DHX38: variants seen among roughly 807,000 people sequenced by gnomAD.
DHX38 encodes DEAH-box helicase 38.
DHX38 carries 100 observed loss-of-function variants against 153.1 expected under a neutral mutation model. The observed-to-expected ratio is 0.65, with a 90% confidence interval of 0.56 to 0.77. The LOEUF is 0.77. Among genes scored for constraint, DHX38 ranks in the 30% least tolerant of loss-of-function variants. DHX38 has a pLI of 0.00. For missense variants in DHX38, 1,440 were observed against 1,654.0 expected (o/e 0.87, Z 2.24); for synonymous variants, 650 against 631.7 (o/e 1.03, Z -0.43).
At chr16:72,111,223 G>T (rs2042251942) in intron 26 of DHX38, 146 bp downstream of exon 26, 2 of 1,273,570 alleles carry the variant, frequency 1.6e-6, no homozygotes, top group African/African-American at 3.0e-5. Flanking sequence ...GCATTTGGTG[G>T]TCACATGGAT....
At chr16:72,099,913 C>T in intron 8 of DHX38, 26 bp downstream of exon 8, 1 of 1,581,408 alleles carries the variant, frequency 6.3e-7, no homozygotes, top group Admixed American at 1.8e-5. Context: ...GAAGTTGGAG[C>T]AGATTCAGAG....
At position 72,100,583 on chromosome 16, in the gene DHX38, G is replaced by A. The variant is rs1355536510; in HGVS notation, c.1264G>A (p.Val422Ile). ...LVPPFLDGRI[V>I]FTKQPEPVIP... ...GCCTCCCTTTCTGGATGGGCGCATTGTCTTCACCAAGCAGGTGAGGCTCCT... is the reference window on the plus strand; with the variant it reads ...GCCTCCCTTTCTGGATGGGCGCATTATCTTCACCAAGCAGGTGAGGCTCCT... The change falls in exon 9 of 27, where the codon GTC becomes ATC. Residue 422 changes from valine (V) to isoleucine (I), a missense_variant. Val to Ile is a conservative substitution (Grantham distance 29). Coordinates refer to ENST00000268482, the MANE Select transcript of DHX38 (RefSeq NM_014003.4). 1.2e-6 allele frequency: 2 copies of A among 1,613,810 alleles called. No homozygotes were observed. The highest frequency in any genetic ancestry group is 1.7e-6 in the Non-Finnish European group (2 of 1,179,974).
rs116798991 is a variant in DHX38 at position 72,101,621 on chromosome 16, C to T, written c.1499+9C>T. ...GGGAAGGTGGACTACAGGTGGGCAG[C>T]CTCAGCCAGCAGCACATCAGCCTTG... On this transcript the variant is annotated intron_variant, in intron 11 of 26. Coordinates refer to ENST00000268482, the MANE Select transcript of DHX38 (RefSeq NM_014003.4). The T allele has an allele frequency of 1.2e-3, 1,918 of 1,549,486 alleles. 25 individuals carry two copies. The African/African-American group carries it at 0.022, about 18-fold the overall frequency.
At chr16:72,101,350 A>T in intron 10 of DHX38, 150 bp from the exon 11 acceptor site, 1 of 1,123,436 alleles carries the variant, frequency 8.9e-7, no homozygotes, top group Non-Finnish European at 1.3e-6. Context: ...GGAGAGCTGG[A>T]GGCTTGAGGA....
In DHX38 at chr16:72,103,124, G is replaced by A. The variant is rs1245650152; in HGVS notation, c.1550G>A (p.Ser517Asn). The change falls in exon 12 of 27, where the codon AGT (serine) becomes AAT (asparagine). Residue 517 changes from serine (S) to asparagine (N), a missense_variant. This residue lies in a region of DHX38 where 241 missense variants were observed against 229.5 expected (regional missense o/e 1.05). Transcript: ENST00000268482. ...ATGAAGAGAAAGAGCGAAGCCAGCA[G>A]TGAATTTGCAAAGAAGAAGTCCATC... Reference protein sequence around the residue: ...DHMKRKSEASSEFAKKKSILE... With the variant: ...DHMKRKSEASNEFAKKKSILE... 1.9e-6 allele frequency: 3 copies of A among 1,614,138 alleles called. No individual in the cohort carries two copies. Among genetic ancestry groups the A allele is most frequent in the Non-Finnish European group, 2.5e-6 (3 of 1,180,060 alleles).
chr16:72,106,269 A>G (rs1018898226), intron 19 of DHX38, 152 bp downstream of exon 19: 13 of 701,350 alleles, frequency 1.9e-5, no homozygotes, highest in South Asian at 5.6e-5. Flanking sequence ...CTTTCATCCT[A>G]TGCTACTGAG....
At chr16:72,098,858 C>T (rs2042057802) in intron 5 of DHX38, 66 bp downstream of exon 5, 3 of 1,613,482 alleles carry the variant, frequency 1.9e-6, no homozygotes, top group Non-Finnish European at 2.5e-6. Context: ...GCAGGGAGAG[C>T]AGATGGTGGC....
rs778699985 is a variant in DHX38 at position 72,096,864 on chromosome 16, T to G, written c.366T>G (p.Gly122=). 6.2e-7 allele frequency: 1 copy of G among 1,613,622 alleles called. No homozygotes were observed. The highest frequency in any genetic ancestry group is 2.2e-5 in the East Asian group (1 of 44,876). ...GGGTAGAGACTCCATCCCATCCGGG[T>G]GGTGTGAGCGAAGAGTTTTGGGAAC... The part of the protein sequence containing the change: ...SARVETPSHP[G]GVSEEFWERS... The change falls in exon 3 of 27, where the codon GGT becomes GGG. Residue 122 remains glycine (G), a synonymous_variant. Coordinates refer to ENST00000268482, the MANE Select transcript of DHX38 (RefSeq NM_014003.4).
chr16:72,108,743 G>A (rs1041208421), intron 23 of DHX38, 57 bp from the exon 24 acceptor site: 5 of 1,598,672 alleles, frequency 3.1e-6, no homozygotes, highest in East Asian at 2.2e-5. Flanking sequence ...GGATGGGGTC[G>A]CTGCCCAAAT....
chr16:72,104,945 G>T lies in DHX38; in HGVS notation c.2152-82G>T. On this transcript the variant is annotated intron_variant, in intron 15 of 26. Coordinates refer to ENST00000268482, the MANE Select transcript of DHX38 (RefSeq NM_014003.4). The surrounding 1 kb of genome is among the most constrained non-coding windows in gnomAD (Gnocchi z 4.5). ...GTCCATGGCTCCATTCCAGAGCAGT[G>T]CCTGGGCCACTGGGCTCCCAGGAGA... The T allele has an allele frequency of 2.9e-6, 4 of 1,365,718 alleles. No homozygotes were observed. The highest frequency in any genetic ancestry group is 4.0e-6 in the Non-Finnish European group (4 of 989,810). The allele number at this position is 1,365,718 out of a possible 1,614,324, so 84.6% of individuals were successfully genotyped here. A position where few individuals can be genotyped will look rare whatever the true frequency, so the allele number is the denominator to read the frequency against.
At chr16:72,099,351 G>C in intron 7 of DHX38, 71 bp downstream of exon 7, 1 of 1,393,608 alleles carries the variant, frequency 7.2e-7, no homozygotes, top group Non-Finnish European at 9.8e-7. Context: ...CCTCTAGCAG[G>C]ACTGGGCTTT....
At chr16:72,097,122 A>C (rs1163046290) in intron 3 of DHX38, 113 bp downstream of exon 3, 2 of 1,221,968 alleles carry the variant, frequency 1.6e-6, no homozygotes, top group Non-Finnish European at 1.1e-6. Context: ...TCCTATTTGC[A>C]TGATGTCCGC....
At position 72,103,765 on chromosome 16, in the gene DHX38, A is replaced by T; in HGVS notation, c.1801A>T (p.Met601Leu). Residue 601 changes from methionine (M) to leucine (L), a missense_variant, in exon 13 of 27, where the codon ATG becomes TTG. Around this residue, in one of 6 missense-constraint regions of DHX38, gnomAD observed 241 missense variants for 229.5 expected, o/e 1.05. Coordinates refer to ENST00000268482, the MANE Select transcript of DHX38 (RefSeq NM_014003.4). ...AGTGGCCAAGAGAGTCAGTGAAGAG[A>T]TGGGGGGAAACCTTGGCGAGGAGGT... ...MSVAKRVSEE[M>L]GGNLGEEVGY... 1.9e-6 allele frequency: 3 copies of T among 1,612,642 alleles called. No individual in the cohort carries two copies. The highest frequency in any genetic ancestry group is 2.5e-6 in the Non-Finnish European group (3 of 1,178,740).
chr16:72,112,591 A>T lies in DHX38; in HGVS notation c.*94A>T, dbSNP rs1749934008. 1.5e-6 allele frequency: 2 copies of T among 1,367,794 alleles called. No individual in the cohort carries two copies. Among genetic ancestry groups the T allele is most frequent in the Admixed American group, 3.5e-5 (2 of 56,564 alleles). 84.7% of individuals were successfully genotyped at this position (1,367,794 alleles called of 1,614,324 possible). A position where few individuals can be genotyped will look rare whatever the true frequency, so the allele number is the denominator to read the frequency against. ...GCTGCGGACAAAGCCCTTTCATCTG[A>T]GGACTTTCATCTGTGCATATCACGG... On this transcript the variant is annotated 3_prime_UTR_variant, in exon 27 of 27. Coordinates refer to ENST00000268482, the MANE Select transcript of DHX38 (RefSeq NM_014003.4).
At chr16:72,097,439 A>G (rs2144133062) in intron 3 of DHX38, 2 of 506,776 alleles carry the variant, frequency 3.9e-6, no homozygotes, top group Non-Finnish European at 7.1e-6. Context: ...TCGCACTAGT[A>G]TTTTTTGAAT....
chr16:72,102,458 A>G (rs30438), intron 11 of DHX38, among the ~76,000 whole-genome samples: 151,712 of 152,270 alleles, frequency 1, 75,578 homozygotes, highest in Middle Eastern at 1. Flanking sequence ...TCTTTTTGCC[A>G]GGCAGCCTTG....
intron 25 of DHX38, chr16:72,109,843 C>T (rs2042234751): frequency 5.5e-6 from 1 of 181,136 alleles, no homozygotes; most frequent in Non-Finnish European, 1.1e-5. Flanking sequence ...CTACCCCACT[C>T]CACACACATC....
rs746540177 is a variant in DHX38 at position 72,108,394 on chromosome 16, G to T, written c.3120+12G>T. 1 of 1,614,036 alleles carries T rather than the reference G, an allele frequency of 6.2e-7. No individual in the cohort carries two copies. Among genetic ancestry groups the T allele is most frequent in the Admixed American group, 1.7e-5 (1 of 60,028 alleles). On this transcript the variant is annotated intron_variant, in intron 22 of 26. Transcript: ENST00000268482. ...AGGCCATGCGGAAGGTAGAGTGGTG[G>T]ATGAGCAGGATGTTGGGATGAGGGG...
At position 72,096,253 on chromosome 16, in the gene DHX38, G is replaced by T. The variant is rs751669800; in HGVS notation, c.96G>T (p.Ala32=). The change falls in exon 2 of 27, where the codon GCG becomes GCT. Residue 32 remains alanine (A), a synonymous_variant. Coordinates refer to ENST00000268482, the MANE Select transcript of DHX38 (RefSeq NM_014003.4). The part of the protein sequence containing the change: ...VGGLICKSKS[A]ASEQHVFKAP... ...GTCTTATTTGCAAGTCCAAAAGTGC[G>T]GCCAGCGAGCAGCATGTCTTCAAGG... 26 of 1,614,182 alleles carry T rather than the reference G, an allele frequency of 1.6e-5. No homozygotes were observed. Among genetic ancestry groups the T allele is most frequent in the Non-Finnish European group, 2.0e-5 (24 of 1,180,032 alleles).
Sources: gnomAD v4.1 joint callset for allele counts (sites outside exome capture counted in the v4.1 genomes callset) on GRCh38, gnomAD v4.1.1 for gene constraint, gnomAD v4.1.1 regional missense constraint, Gnocchi (gnomAD v3.1) non-coding constraint, MANE v1.5 for transcripts, NCBI Gene and HGNC (gene_info 2026-07-23, HGNC 2026-07-21) for gene names.